NREP: variants seen among roughly 807,000 people sequenced by gnomAD.
The protein encoded by NREP is neuronal regeneration-related protein.
A neutral mutation model predicts 8.6 loss-of-function variants in NREP; 5 were observed. The observed-to-expected ratio is 0.58, with a 90% CI of 0.30 to 1.22. The LOEUF (loss-of-function observed/expected upper bound fraction) is 1.22. NREP is among the 50% of genes most tolerant of loss of function. The pLI is 0.07. For missense variants in NREP, 86 were observed against 82.5 expected (o/e 1.04, Z -0.17); for synonymous variants, 27 against 28.0 (o/e 0.96, Z 0.11).
intron 2 of NREP, among the ~76,000 whole-genome samples, chr5:111,955,977 G>A (rs1756304982): frequency 6.6e-6 from 1 of 151,178 alleles, no homozygotes; most frequent in South Asian, 2.1e-4. Context: ...CCTAACCCCT[G>A]ATTGGATATA....
At position 111,941,366 on chromosome 5, in the gene NREP, T is replaced by C. The variant is rs542647858; in HGVS notation, c.135+33908A>G. Among the ~76,000 whole-genome samples, 73 of 152,220 alleles carry C rather than the reference T, an allele frequency of 4.8e-4. 1 individual carries two copies. The highest frequency in any genetic ancestry group is 9.6e-4 in the Non-Finnish European group (65 of 67,970). On this transcript the variant is annotated intron_variant, in intron 2 of 3. Coordinates refer to the NREP transcript ENST00000395634. The stretch of plus-strand genomic sequence containing the variant: ...AGTGGCTTACACAACAGAAATTTAT[T>C]TCTTATAGTTCTGGAGGCTACAATT...
At chr5:111,754,897 G>GA (rs1288686910) in intron 2 of NREP, among the ~76,000 whole-genome samples, 5 of 152,014 alleles carry the variant, frequency 3.3e-5, no homozygotes, top group African/African-American at 9.7e-5. Context: ...TCGTTTCAAA[G>GA]AAAAAAACTA....
chr5:111,827,661 G>A (rs750337998), intron 2 of NREP, among the ~76,000 whole-genome samples: 1 of 152,250 alleles, frequency 6.6e-6, no homozygotes, highest in African/African-American at 2.4e-5. Context: ...GGCCAACATG[G>A]CGAAACCTTG....
At chr5:111,875,158 G>A (rs979320161) in intron 2 of NREP, among the ~76,000 whole-genome samples, 7 of 152,020 alleles carry the variant, frequency 4.6e-5, no homozygotes, top group Non-Finnish European at 1.0e-4. Context: ...TACCAAAAGC[G>A]ATTTTTTCCC....
chr5:111,964,865 A>AT (rs1756592094), intron 2 of NREP, among the ~76,000 whole-genome samples: 3 of 108,934 alleles, frequency 2.8e-5, no homozygotes, highest in Non-Finnish European at 5.0e-5. Flanking sequence ...CAAAAAAAAA[A>AT]AAAAAAAAAA....
intron 2 of NREP, among the ~76,000 whole-genome samples, chr5:111,772,084 A>C (rs1292541526): frequency 6.6e-6 from 1 of 152,206 alleles, no homozygotes; most frequent in Non-Finnish European, 1.5e-5. Context: ...GTTGGACTGG[A>C]AGATTCTCCA....
At chr5:111,973,902 C>A (rs1017193808) in intron 2 of NREP, among the ~76,000 whole-genome samples, 2 of 152,154 alleles carry the variant, frequency 1.3e-5, no homozygotes, top group Non-Finnish European at 2.9e-5. Context: ...GTTTTATCTA[C>A]CCCTAATTTG....
intron 1 of NREP, chr5:111,756,116 A>G (rs779381253): frequency 9.1e-7 from 1 of 1,104,872 alleles, no homozygotes; most frequent in Non-Finnish European, 1.1e-6. Flanking sequence ...TAGCAACTTA[A>G]AAGTAGAACC....
intron 2 of NREP, among the ~76,000 whole-genome samples, chr5:111,962,852 G>A (rs927557591): frequency 6.6e-6 from 1 of 152,150 alleles, no homozygotes; most frequent in South Asian, 2.1e-4. Context: ...TTAAGGGAAG[G>A]TTATCTGCCT....
intron 2 of NREP, among the ~76,000 whole-genome samples, chr5:111,838,516 G>A (rs1336478144): frequency 6.6e-6 from 1 of 152,084 alleles, no homozygotes; most frequent in African/African-American, 2.4e-5. Context: ...TTGATAATGT[G>A]TGGGCCTTAT....
At chr5:111,934,414 A>T (rs1358618904) in intron 2 of NREP, among the ~76,000 whole-genome samples, 1 of 152,088 alleles carries the variant, frequency 6.6e-6, no homozygotes, top group African/African-American at 2.4e-5. Context: ...GCTAAGTAGG[A>T]AGTGGAAAAT....
chr5:111,735,284 A>C, intron 3 of NREP, 146 bp downstream of exon 3: 1 of 520,532 alleles, frequency 1.9e-6, no homozygotes, highest in Non-Finnish European at 3.4e-6. Context: ...TTAAAAGTAC[A>C]TTATTTCCAA....
At chr5:111,891,506 T>G (rs1561713639) in intron 2 of NREP, among the ~76,000 whole-genome samples, 1 of 152,224 alleles carries the variant, frequency 6.6e-6, no homozygotes, top group Non-Finnish European at 1.5e-5. Flanking sequence ...GATATCTGTA[T>G]AGCGATGCCC....
chr5:111,913,883 G>A (rs1298731545), intron 2 of NREP, among the ~76,000 whole-genome samples: 1 of 152,074 alleles, frequency 6.6e-6, no homozygotes, highest in African/African-American at 2.4e-5. Context: ...ACCTAATGAT[G>A]GATGAGGGTA....
chr5:111,956,525 G>A (rs964013118), intron 2 of NREP, among the ~76,000 whole-genome samples: 1 of 151,254 alleles, frequency 6.6e-6, no homozygotes, highest in African/African-American at 2.4e-5. Flanking sequence ...TAAATCAAGT[G>A]ACATGAAGAA....
At chr5:111,754,014 C>T (rs998045401) in intron 2 of NREP, among the ~76,000 whole-genome samples, 5 of 152,106 alleles carry the variant, frequency 3.3e-5, no homozygotes, top group Non-Finnish European at 5.9e-5. Flanking sequence ...CAATAACTGT[C>T]AGTGGTTTCA....
chr5:111,797,682 T>A (rs1751904993), intron 2 of NREP, among the ~76,000 whole-genome samples: 1 of 152,148 alleles, frequency 6.6e-6, no homozygotes. Flanking sequence ...TCAAATGAAA[T>A]GAGCCCGCTA....
At chr5:111,766,829 C>T (rs1369736895) in intron 2 of NREP, among the ~76,000 whole-genome samples, 1 of 152,226 alleles carries the variant, frequency 6.6e-6, no homozygotes, top group Non-Finnish European at 1.5e-5. Context: ...AGTGAATTTT[C>T]CTCGGAAGGA....
intron 2 of NREP, among the ~76,000 whole-genome samples, chr5:111,893,808 T>A (rs1313967698): frequency 6.6e-6 from 1 of 151,912 alleles, no homozygotes; most frequent in African/African-American, 2.4e-5. Context: ...TTTTACCATC[T>A]TGTAACTGTA....
Sources: gnomAD v4.1 joint callset for allele counts (sites outside exome capture counted in the v4.1 genomes callset) on GRCh38, gnomAD v4.1.1 for gene constraint, MANE v1.5 for transcripts, NCBI Gene and HGNC (gene_info 2026-07-23, HGNC 2026-07-21) for gene names.